Variants in DIP2C observed in about 807,000 individuals in gnomAD.
The protein encoded by DIP2C is disco-interacting protein 2 homolog C.
DIP2C carries 33 observed loss-of-function variants against 192.4 expected under a neutral mutation model. The ratio of observed to expected loss-of-function variants is 0.17; its 90% CI spans 0.13 to 0.23. The LOEUF is 0.23. Among genes scored for constraint, DIP2C ranks in the 10% least tolerant of loss-of-function variants. DIP2C has a pLI of 1.00. For synonymous variants in DIP2C, 979 were observed against 864.1 expected (o/e 1.13, Z -2.33); for missense variants, 1,537 against 2,110.1 (o/e 0.73, Z 5.32).
chr10:379,547 G>A (rs1043177073), intron 17 of DIP2C, among the ~76,000 whole-genome samples: 1 of 152,160 alleles, frequency 6.6e-6, no homozygotes, highest in Non-Finnish European at 1.5e-5. Context: ...GCTTGGCCCT[G>A]CTGGCACCTG....
intron 1 of DIP2C, among the ~76,000 whole-genome samples, chr10:645,271 T>C (rs934842609): frequency 2.0e-5 from 3 of 151,816 alleles, no homozygotes; most frequent in Non-Finnish European, 1.5e-5. Context: ...TCCAGCAGAG[T>C]CTTGTCTTGA....
chr10:574,715 C>T (rs1850044889), intron 1 of DIP2C, among the ~76,000 whole-genome samples: 2 of 152,164 alleles, frequency 1.3e-5, no homozygotes, highest in African/African-American at 4.8e-5. Flanking sequence ...TATCCAGGCC[C>T]TCGAAAATCA....
chr10:441,119 G>A, intron 3 of DIP2C, 123 bp from the exon 4 acceptor site: 4 of 1,131,472 alleles, frequency 3.5e-6, no homozygotes, highest in Non-Finnish European at 4.7e-6. Flanking sequence ...CAGATGGGTG[G>A]GCGAGGAAAG....
In DIP2C at chr10:444,355, C is replaced by T. The variant is rs1022007735; in HGVS notation, c.269-3359G>A. On this transcript the variant is annotated intron_variant, in intron 3 of 36. Transcript: ENST00000280886. ...ATTCTCCACCGTCACATGGAGCCCA[C>T]GGCATAGTGTTCACTCAAGAGACAG... 3.5e-4 allele frequency among the ~76,000 whole-genome samples: 41 copies of T among 117,042 alleles called. 1 individual carries two copies. Among genetic ancestry groups the T allele is most frequent in the African/African-American group, 2.8e-3 (40 of 14,248 alleles). 76.8% of individuals were successfully genotyped at this position (117,042 alleles called of 152,430 possible). A position where few individuals can be genotyped will look rare whatever the true frequency, so the allele number is the denominator to read the frequency against.
intron 1 of DIP2C, among the ~76,000 whole-genome samples, chr10:549,937 G>A (rs7914425): frequency 0.16 from 24,152 of 151,716 alleles, 3,085 homozygotes; most frequent in African/African-American, 0.35. Context: ...TGACAATGCA[G>A]AGTCCCCAAC....
intron 1 of DIP2C, among the ~76,000 whole-genome samples, chr10:660,267 C>T (rs1476042422): frequency 6.6e-6 from 1 of 151,906 alleles, no homozygotes; most frequent in Non-Finnish European, 1.5e-5. Flanking sequence ...TAGCCCTTGT[C>T]CCTGTTTCAA....
chr10:536,634 G>A (rs894629891), intron 1 of DIP2C, among the ~76,000 whole-genome samples: 3 of 152,246 alleles, frequency 2.0e-5, no homozygotes, highest in African/African-American at 7.2e-5. Context: ...CAGTGAATGT[G>A]ATTCAGAATT....
chr10:323,401 C>T (rs1180450390), intron 31 of DIP2C, among the ~76,000 whole-genome samples: 3 of 124,932 alleles, frequency 2.4e-5, no homozygotes, highest in African/African-American at 9.9e-5. Flanking sequence ...TGCGGGGCTC[C>T]GGCGAGAGAC....
chr10:596,551 C>CCTATCA (rs931196108), intron 1 of DIP2C, among the ~76,000 whole-genome samples: 2 of 140,394 alleles, frequency 1.4e-5, no homozygotes, highest in Admixed American at 1.4e-4. Context: ...TTCCAATGAA[C>CCTATCA]CTATCATTCT....
intron 32 of DIP2C, among the ~76,000 whole-genome samples, chr10:307,758 G>T (rs1169272427): frequency 1.3e-5 from 2 of 152,246 alleles, no homozygotes; most frequent in Non-Finnish European, 2.9e-5. Flanking sequence ...CCCACCCGAG[G>T]GCACGGGAGA....
chr10:311,489 G>A (rs575364618), intron 31 of DIP2C: 13 of 1,230,832 alleles, frequency 1.1e-5, no homozygotes, highest in African/African-American at 7.7e-5. Context: ...GCAAGGCAGC[G>A]GGGCTGGGCA....
intron 1 of DIP2C, among the ~76,000 whole-genome samples, chr10:542,313 T>C (rs1008778859): frequency 6.6e-5 from 10 of 152,238 alleles, no homozygotes; most frequent in African/African-American, 2.4e-4. Flanking sequence ...CAGAACGTCA[T>C]GTCCCTCAAC....
intron 15 of DIP2C, 56 bp downstream of exon 15, chr10:384,490 G>C: frequency 6.5e-7 from 1 of 1,548,874 alleles, no homozygotes; most frequent in Admixed American, 1.7e-5. Flanking sequence ...CACCTGCTTT[G>C]GCCTCCTAAA....
chr10:570,055 G>A (rs530965600), intron 1 of DIP2C, among the ~76,000 whole-genome samples: 171 of 152,230 alleles, frequency 1.1e-3, no homozygotes, highest in African/African-American at 3.7e-3. Context: ...ACAGACTGAA[G>A]TATGCCAAGA....
chr10:427,997 G>A (rs1048399439), intron 4 of DIP2C, among the ~76,000 whole-genome samples: 4 of 152,124 alleles, frequency 2.6e-5, no homozygotes, highest in African/African-American at 9.7e-5. Context: ...CCGAATAGAG[G>A]AAAGAATGAA....
intron 1 of DIP2C, among the ~76,000 whole-genome samples, chr10:624,048 T>C (rs1275264090): frequency 2.0e-5 from 3 of 152,218 alleles, no homozygotes; most frequent in Non-Finnish European, 4.4e-5. Flanking sequence ...CCCTGCTCCT[T>C]CTCTCTGCAC....
Position 277,407 on chromosome 10 carries a change from C to G in DIP2C, c.4589G>C (p.Arg1530Pro). 1 of 1,614,184 alleles carries G rather than the reference C, an allele frequency of 6.2e-7. No homozygotes were observed. Among genetic ancestry groups the G allele is most frequent in the Non-Finnish European group, 8.5e-7 (1 of 1,180,024 alleles). ...CAGGTGCATGCGCTGCTTCTCCCCA[C>G]GGGAGTTGATGGGGATGACGCCGAT... ...VDIGVIPINS[R>P]GEKQRMHLRD... The change falls in exon 37 of 37, where the codon CGT becomes CCT. Residue 1530 changes from arginine to proline, a missense_variant. By Grantham distance (103) the Arg-to-Pro change is moderately radical. Around this residue, in one of 4 missense-constraint regions of DIP2C, gnomAD observed 341 missense variants for 551.7 expected, o/e 0.62. Transcript: ENST00000280886.
intron 1 of DIP2C, among the ~76,000 whole-genome samples, chr10:581,016 C>A (rs896707710): frequency 1.3e-5 from 2 of 152,176 alleles, no homozygotes; most frequent in African/African-American, 4.8e-5. Flanking sequence ...AGTATTCTGG[C>A]AGATTATTCA....
chr10:376,860 G>A lies in DIP2C; in HGVS notation c.1991+5787C>T, dbSNP rs138772547. On this transcript the variant is annotated intron_variant, in intron 17 of 36. Coordinates refer to ENST00000280886, the MANE Select transcript of DIP2C (RefSeq NM_014974.3). ...AATATTTTCAGGAAACACGCACCGC[G>A]AGGGGAAATTCAGTGAAAAATGTGC... Among the ~76,000 whole-genome samples the A allele has an allele frequency of 2.8e-3, 425 of 152,298 alleles. 1 individual carries two copies. Among genetic ancestry groups the A allele is most frequent in the African/African-American group, 9.8e-3 (406 of 41,554 alleles).
Sources: allele counts gnomAD v4.1 joint callset (sites outside exome capture counted in the v4.1 genomes callset), GRCh38; gene constraint gnomAD v4.1.1; regional missense constraint gnomAD v4.1.1; transcripts MANE v1.5; gene names NCBI Gene and HGNC (gene_info 2026-07-23, HGNC 2026-07-21).